EDC3: variants seen among roughly 807,000 people sequenced by gnomAD.
EDC3 encodes enhancer of mRNA-decapping protein 3.
EDC3 carries 20 observed loss-of-function variants against 41.8 expected under a neutral mutation model. The ratio of observed to expected loss-of-function variants is 0.48; its 90% CI spans 0.34 to 0.70. The LOEUF (loss-of-function observed/expected upper bound fraction) is 0.70. Among genes scored for constraint, EDC3 ranks in the 30% least tolerant of loss-of-function variants. The pLI is 0.01. For missense variants in EDC3, 444 were observed against 636.8 expected, an observed-to-expected ratio of 0.70 and a Z score of 3.26; for synonymous variants, 206 against 243.2, an observed-to-expected ratio of 0.85 and a Z score of 1.42.
Position 74,646,858 on chromosome 15 carries a change from A to T in EDC3, c.821-6239T>A, listed in dbSNP as rs545408018. Among the ~76,000 whole-genome samples the T allele has an allele frequency of 3.3e-5, 5 of 152,292 alleles. No individual in the cohort carries two copies. In the South Asian group the frequency reaches 1.0e-3, roughly 32 times the overall value. ...CATAAGGAACTAAAAGGTCATGAAA[A>T]TTTCAAATGAAATTTTGAAGGAAGG... On this transcript the variant is annotated intron_variant, in intron 4 of 6. Transcript: ENST00000315127.
At chr15:74,680,774 A>G (rs932244419) in intron 1 of EDC3, among the ~76,000 whole-genome samples, 1 of 152,244 alleles carries the variant, frequency 6.6e-6, no homozygotes, top group Non-Finnish European at 1.5e-5. Context: ...AAGTGAGTTC[A>G]GCAAGATTGT....
intron 4 of EDC3, among the ~76,000 whole-genome samples, chr15:74,646,056 GTTGTT>G (rs1382014173): frequency 7.1e-6 from 1 of 141,404 alleles, no homozygotes; most frequent in Non-Finnish European, 1.5e-5. Flanking sequence ...TGTTGTTGTT[GTTGTT>G]TTGTTTTTTT....
intron 4 of EDC3, among the ~76,000 whole-genome samples, chr15:74,648,896 T>C (rs2062447053): frequency 6.6e-6 from 1 of 152,066 alleles, no homozygotes; most frequent in Non-Finnish European, 1.5e-5. Context: ...AGAGAATTTA[T>C]TACAACAGAG....
At chr15:74,689,032 C>A (rs1483256262) in intron 1 of EDC3, among the ~76,000 whole-genome samples, 1 of 151,992 alleles carries the variant, frequency 6.6e-6, no homozygotes, top group African/African-American at 2.4e-5. Context: ...ATCCATTCTA[C>A]TGCTGATACA....
intron 6 of EDC3, among the ~76,000 whole-genome samples, chr15:74,633,526 A>G (rs546189876): frequency 2.0e-5 from 3 of 152,288 alleles, no homozygotes; most frequent in Admixed American, 6.5e-5. Flanking sequence ...ACTCAGCCCA[A>G]CCTTAATTAA....
intron 3 of EDC3, among the ~76,000 whole-genome samples, chr15:74,667,097 T>C (rs1408503440): frequency 2.5e-4 from 38 of 152,006 alleles, no homozygotes. Context: ...TATACTGGAA[T>C]TGAATAATTA....
chr15:74,632,455 A>T lies in EDC3; in HGVS notation c.*157T>A. The T allele has an allele frequency of 1.1e-6, 1 of 895,998 alleles. No homozygotes were observed. Among genetic ancestry groups the T allele is most frequent in the East Asian group, 2.6e-5 (1 of 37,774 alleles). The allele number at this position is 895,998 out of a possible 1,614,324, so 55.5% of individuals were successfully genotyped here. ...GGAAAGACTTCCCTGGCTAAGAGCA[A>T]GTGACAGGTCAGTTTTAAGTAAGTT... On this transcript the variant is annotated 3_prime_UTR_variant, in exon 7 of 7. Transcript: ENST00000315127. This position sits in a 1 kb window ranked among gnomAD's most constrained non-coding sequence, Gnocchi z 4.0.
intron 3 of EDC3, among the ~76,000 whole-genome samples, chr15:74,660,424 T>C (rs1249825785): frequency 6.6e-6 from 1 of 150,494 alleles, no homozygotes; most frequent in East Asian, 1.9e-4. Context: ...AATATATATA[T>C]ATATATATAT....
chr15:74,666,890 G>A (rs1223968587), intron 3 of EDC3, among the ~76,000 whole-genome samples: 1 of 152,152 alleles, frequency 6.6e-6, no homozygotes, highest in Non-Finnish European at 1.5e-5. Context: ...ATGGAATGCA[G>A]AATGTGATAA....
chr15:74,694,427 C>A (rs1036287611), intron 1 of EDC3, among the ~76,000 whole-genome samples: 2 of 152,184 alleles, frequency 1.3e-5, no homozygotes, highest in African/African-American at 2.4e-5. Context: ...CCTGCCTCAG[C>A]CTCCCAAATA....
At chr15:74,641,515 G>C (rs1489860330) in intron 4 of EDC3, 1 of 152,922 alleles carries the variant, frequency 6.5e-6, no homozygotes, top group Non-Finnish European at 1.5e-5. Flanking sequence ...GCAATGGACA[G>C]CTCTTACCTT....
At position 74,677,950 on chromosome 15, in the gene EDC3, G is replaced by C. The variant is rs1349614546; in HGVS notation, c.-18-2808C>G. The stretch of plus-strand genomic sequence containing the variant: ...AGCTATCAAGCCATGAAAAGACATG[G>C]AGGAAACTGAAAAGCACATTACTAA... On this transcript the variant is annotated intron_variant, in intron 1 of 6. Coordinates refer to ENST00000315127, the MANE Select transcript of EDC3 (RefSeq NM_025083.5). 2.0e-5 allele frequency among the ~76,000 whole-genome samples: 3 copies of C among 152,116 alleles called. No individual in the cohort carries two copies. The East Asian group carries it at 5.8e-4, about 29-fold the overall frequency.
intron 1 of EDC3, chr15:74,679,674 C>CT (rs2062846351): frequency 6.9e-6 from 1 of 144,178 alleles, no homozygotes; most frequent in South Asian, 2.3e-4. Context: ...AATCCCAGCA[C>CT]TTTGAGAGGC....
At chr15:74,652,783 T>C (rs2141608882) in intron 4 of EDC3, among the ~76,000 whole-genome samples, 1 of 151,884 alleles carries the variant, frequency 6.6e-6, no homozygotes, top group Non-Finnish European at 1.5e-5. Context: ...TCTCACTTTG[T>C]TGCCCAGGCT....
At chr15:74,684,722 A>C (rs2062916393) in intron 1 of EDC3, among the ~76,000 whole-genome samples, 1 of 152,170 alleles carries the variant, frequency 6.6e-6, no homozygotes, top group African/African-American at 2.4e-5. Context: ...CAGTCAATCC[A>C]TAAAAAGTCC....
At chr15:74,685,131 A>C (rs1020299202) in intron 1 of EDC3, among the ~76,000 whole-genome samples, 2 of 152,182 alleles carry the variant, frequency 1.3e-5, no homozygotes, top group Non-Finnish European at 2.9e-5. Context: ...ATGGTGGTTC[A>C]TGCCTGTAAT....
chr15:74,648,939 G>A (rs184153784), intron 4 of EDC3, among the ~76,000 whole-genome samples: 3 of 152,136 alleles, frequency 2.0e-5, no homozygotes, highest in Non-Finnish European at 4.4e-5. Context: ...TTTTTTAAAC[G>A]TTGAGATAGG....
At chr15:74,690,880 A>C (rs2062999911) in intron 1 of EDC3, among the ~76,000 whole-genome samples, 1 of 152,202 alleles carries the variant, frequency 6.6e-6, no homozygotes, top group Non-Finnish European at 1.5e-5. Flanking sequence ...TGAAAAGAGA[A>C]TAAAATTCTG....
intron 1 of EDC3, among the ~76,000 whole-genome samples, chr15:74,684,819 T>C (rs1378617110): frequency 6.6e-6 from 1 of 152,048 alleles, no homozygotes; most frequent in African/African-American, 2.4e-5. Context: ...CAACTGAAAA[T>C]GAAATTTTAG....
Sources: allele counts gnomAD v4.1 joint callset (sites outside exome capture counted in the v4.1 genomes callset), GRCh38; gene constraint gnomAD v4.1.1; non-coding constraint Gnocchi (gnomAD v3.1); transcripts MANE v1.5; gene names NCBI Gene and HGNC (gene_info 2026-07-23, HGNC 2026-07-21).